The following ATL3 variants were observed in gnomAD, a reference collection of about 807,000 sequenced individuals.
The protein encoded by ATL3 is atlastin-3.
A neutral mutation model predicts 69.5 loss-of-function variants in ATL3; 49 were observed. The ratio of observed to expected loss-of-function variants is 0.71; its 90% CI spans 0.56 to 0.89. The LOEUF (loss-of-function observed/expected upper bound fraction) is 0.89. Ranked by LOEUF, ATL3 falls within the 40% of genes least tolerant of loss-of-function variation. The pLI is 0.00. For missense variants in ATL3, 606 were observed against 645.7 expected, an observed-to-expected ratio of 0.94 and a Z score of 0.67; for synonymous variants, 214 against 224.1, an observed-to-expected ratio of 0.95 and a Z score of 0.40.
intron 5 of ATL3, among the ~76,000 whole-genome samples, chr11:63,647,259 G>A (rs894984898): frequency 3.0e-4 from 46 of 152,094 alleles, no homozygotes; most frequent in Middle Eastern, 6.8e-3. Flanking sequence ...GCGTAATGGC[G>A]CGTGGCTCAT....
rs547493589 is a variant in ATL3, at chr11:63,658,599, C to T, written c.405+162G>A. Among the ~76,000 whole-genome samples, 10 of 152,362 alleles carry T rather than the reference C, an allele frequency of 6.6e-5. No individual in the cohort carries two copies. The South Asian group carries it at 1.4e-3, about 22-fold the overall frequency. ...GTCAGAAAATCCTATTTATCCACAA[C>T]AGACTAAAATTTCAGGACAAAACAG... On this transcript the variant is annotated intron_variant, in intron 3 of 12. Transcript: ENST00000398868.
chr11:63,655,029 T>C (rs961202680), intron 3 of ATL3, among the ~76,000 whole-genome samples: 2 of 152,194 alleles, frequency 1.3e-5, no homozygotes, highest in African/African-American at 4.8e-5. Context: ...TGATAGGATG[T>C]AGACTTGTGG....
chr11:63,626,323 T>C lies in ATL3; in HGVS notation c.*2996A>G. 6.6e-6 allele frequency: 1 copy of C among 152,354 alleles called. No homozygotes were observed. The highest frequency in any genetic ancestry group is 1.5e-5 in the Non-Finnish European group (1 of 68,134). 9.4% of individuals were successfully genotyped at this position (152,354 alleles called of 1,614,324 possible). A position where few individuals can be genotyped will look rare whatever the true frequency, so the allele number is the denominator to read the frequency against. On this transcript the variant is annotated 3_prime_UTR_variant, in exon 13 of 13. Transcript: ENST00000398868. ...TGAACCTGGGAGGTGGAGGTTGCAG[T>C]GAGCGAGATTGCACCACTGCACTCC... is the stretch of plus-strand genomic sequence containing the variant.
chr11:63,659,999 T>C (rs1940373098), intron 1 of ATL3, among the ~76,000 whole-genome samples: 1 of 151,522 alleles, frequency 6.6e-6, no homozygotes, highest in South Asian at 2.1e-4. Flanking sequence ...CTGCACATTG[T>C]GCACATGTAC....
chr11:63,644,120 G>T, intron 7 of ATL3, 49 bp downstream of exon 7: 1 of 1,251,458 alleles, frequency 8.0e-7, no homozygotes, highest in Non-Finnish European at 1.1e-6. Flanking sequence ...AAATGAGAAA[G>T]CTATCACTAC....
chr11:63,636,842 C>T (rs1411648722), intron 8 of ATL3, among the ~76,000 whole-genome samples: 6 of 152,092 alleles, frequency 3.9e-5, no homozygotes, highest in African/African-American at 1.4e-4. Context: ...TCCCAATGTA[C>T]CTTCATTTTT....
intron 1 of ATL3, among the ~76,000 whole-genome samples, chr11:63,668,790 CTTTTT>C (rs386373974): frequency 4.9e-5 from 4 of 81,500 alleles, no homozygotes; most frequent in Middle Eastern, 0.014. Context: ...AGCTGTGTTC[CTTTTT>C]TTTTTTTTTT....
chr11:63,644,064 T>G, intron 7 of ATL3, 105 bp downstream of exon 7: 1 of 727,928 alleles, frequency 1.4e-6, no homozygotes, highest in Non-Finnish European at 2.4e-6. Flanking sequence ...AGTTAATGTA[T>G]TCAATATCAT....
chr11:63,670,962 G>A (rs1940751066), intron 1 of ATL3, among the ~76,000 whole-genome samples: 1 of 152,224 alleles, frequency 6.6e-6, no homozygotes, highest in South Asian at 2.1e-4. Context: ...CGCCGCCCAC[G>A]GGGACCACCG....
In ATL3 at chr11:63,627,247, G is replaced by A. The variant is rs1939143514; in HGVS notation, c.*2072C>T. On this transcript the variant is annotated 3_prime_UTR_variant, in exon 13 of 13. Transcript: ENST00000398868. ...TAGGTATGAACTTTCAGAGAGATAA[G>A]AGGTCACCTGAAAATGCACCAACAT... 6.6e-6 allele frequency: 1 copy of A among 152,146 alleles called. No homozygotes were observed. The allele number at this position is 152,146 out of a possible 1,614,324, so 9.4% of individuals were successfully genotyped here. A position where few individuals can be genotyped will look rare whatever the true frequency, so the allele number is the denominator to read the frequency against.
chr11:63,662,070 G>A (rs1379992570), intron 1 of ATL3, among the ~76,000 whole-genome samples: 4 of 150,448 alleles, frequency 2.7e-5, no homozygotes, highest in Non-Finnish European at 4.4e-5. Flanking sequence ...AAAATTAGCC[G>A]GGCGTGGTGG....
intron 6 of ATL3, among the ~76,000 whole-genome samples, chr11:63,645,251 C>T (rs1418736199): frequency 6.6e-6 from 1 of 151,596 alleles, no homozygotes; most frequent in African/African-American, 2.4e-5. Context: ...ACAAAAAATA[C>T]AAAAAATTAG....
Position 63,633,015 on chromosome 11 carries a change from G to C in ATL3, c.1107+11C>G. On this transcript the variant is annotated intron_variant, in intron 11 of 12. Coordinates refer to ENST00000398868, the MANE Select transcript of ATL3 (RefSeq NM_015459.5). ...ATAGATATTTCAGAATAAGGCGTAT[G>C]TCCCACGTACCTCTTCCATGTTGTT... 1.2e-6 allele frequency: 2 copies of C among 1,612,112 alleles called. No homozygotes were observed. Among genetic ancestry groups the C allele is most frequent in the Non-Finnish European group, 1.7e-6 (2 of 1,178,224 alleles).
chr11:63,642,483 C>G (rs1160383769), intron 8 of ATL3, among the ~76,000 whole-genome samples: 2 of 152,154 alleles, frequency 1.3e-5, no homozygotes, highest in Non-Finnish European at 2.9e-5. Context: ...AGTAACTAAA[C>G]AGTACATATC....
At chr11:63,671,825 T>G (rs182069035), upstream of ATL3, 2 of 975,040 alleles carry the variant, frequency 2.1e-6, no homozygotes, top group African/African-American at 1.8e-5. Context: ...TCCTGCGAGC[T>G]GCGGCCGGCG....
At chr11:63,632,552 G>A (rs1232339214) in intron 11 of ATL3, 1 of 856,022 alleles carries the variant, frequency 1.2e-6, no homozygotes, top group Non-Finnish European at 2.0e-6. Flanking sequence ...GTCCCAGTGG[G>A]TCATGTTTGG....
At chr11:63,638,286 T>C (rs113341581) in intron 8 of ATL3, among the ~76,000 whole-genome samples, 2,177 of 152,310 alleles carry the variant, frequency 0.014, 51 homozygotes, top group African/African-American at 0.049. Flanking sequence ...CCTGTGTTAA[T>C]TTCCAACTAA....
chr11:63,671,557 G>A, upstream of ATL3: 5 of 1,425,054 alleles, frequency 3.5e-6, no homozygotes, highest in Non-Finnish European at 4.6e-6. Flanking sequence ...ACGAGGCTAG[G>A]CGAGGCGGGG....
intron 12 of ATL3, 118 bp downstream of exon 12, chr11:63,630,922 G>A (rs913560093): frequency 1.4e-5 from 12 of 863,596 alleles, no homozygotes; most frequent in African/African-American, 1.0e-4. Context: ...AACAGCCAAC[G>A]GAGTGGCCAC....
Sources: gnomAD v4.1 joint callset for allele counts (sites outside exome capture counted in the v4.1 genomes callset) on GRCh38, gnomAD v4.1.1 for gene constraint, MANE v1.5 for transcripts, NCBI Gene and HGNC (gene_info 2026-07-23, HGNC 2026-07-21) for gene names.